The following RARB variants were observed in gnomAD, a reference collection of about 807,000 sequenced individuals.
RARB encodes retinoic acid receptor beta, also known as HBV-activated protein.
A neutral mutation model predicts 51.9 loss-of-function variants in RARB; 17 were observed. The ratio of observed to expected loss-of-function variants is 0.33; its 90% CI spans 0.22 to 0.49. The LOEUF is 0.49. Ranked by LOEUF, RARB falls within the 20% of genes least tolerant of loss-of-function variation. The pLI, the probability that RARB is intolerant of heterozygous loss-of-function variation, is 0.99. For synonymous variants in RARB, 215 were observed against 195.4 expected (o/e 1.10, Z -0.84); for missense variants, 369 against 550.8 (o/e 0.67, Z 3.30).
At chr3:25,322,594 A>G (rs1005446307) in intron 5 of RARB, among the ~76,000 whole-genome samples, 4 of 152,228 alleles carry the variant, frequency 2.6e-5, no homozygotes, top group Non-Finnish European at 5.9e-5. Flanking sequence ...ATTTTTTACT[A>G]TGACTTTGGG....
At chr3:24,947,273 C>A (rs1228775945) in intron 2 of RARB, among the ~76,000 whole-genome samples, 1 of 152,174 alleles carries the variant, frequency 6.6e-6, no homozygotes, top group African/African-American at 2.4e-5. Context: ...ATACGTGAAC[C>A]TATATAATAT....
intron 1 of RARB, among the ~76,000 whole-genome samples, chr3:24,847,363 A>G (rs1702497817): frequency 6.6e-6 from 1 of 152,182 alleles, no homozygotes; most frequent in South Asian, 2.1e-4. Flanking sequence ...TTGGACTGGT[A>G]TATTCTGGAG....
At chr3:24,876,500 T>C (rs1254287110) in intron 2 of RARB, among the ~76,000 whole-genome samples, 1 of 152,190 alleles carries the variant, frequency 6.6e-6, no homozygotes, top group Non-Finnish European at 1.5e-5. Flanking sequence ...CTCAGTCCTA[T>C]GAAGCATAAA....
At chr3:25,523,688 G>A (rs983973275) in intron 3 of RARB, among the ~76,000 whole-genome samples, 4 of 152,254 alleles carry the variant, frequency 2.6e-5, no homozygotes, top group Admixed American at 2.6e-4. Context: ...CTCAAAAAAG[G>A]CTTAACGAAT....
intron 3 of RARB, among the ~76,000 whole-genome samples, chr3:25,090,756 T>C (rs975596913): frequency 6.6e-6 from 1 of 152,110 alleles, no homozygotes; most frequent in Admixed American, 6.6e-5. Flanking sequence ...TTTTAAACCA[T>C]AAGCAGGGAA....
chr3:25,302,593 G>A (rs950174832), intron 5 of RARB, among the ~76,000 whole-genome samples: 3 of 152,216 alleles, frequency 2.0e-5, no homozygotes, highest in Non-Finnish European at 4.4e-5. Flanking sequence ...GCTTCCAGGG[G>A]CTGGGGACAA....
rs1297808407 is a variant in RARB, at chr3:25,216,575, G to A, written c.178+42000G>A. 1.7e-4 allele frequency among the ~76,000 whole-genome samples: 26 copies of A among 151,728 alleles called. 1 individual carries two copies. The highest frequency in any genetic ancestry group is 1.7e-3 in the Admixed American group (26 of 15,214). On this transcript the variant is annotated intron_variant, in intron 5 of 11. Coordinates refer to the RARB transcript ENST00000383772. ...ACAAAGGGGAACAACACACACCGGG[G>A]CCTATTGGGGGGTGGGGGGTTGTGA...
chr3:25,339,421 C>G (rs2125449807), intron 5 of RARB, among the ~76,000 whole-genome samples: 1 of 152,296 alleles, frequency 6.6e-6, no homozygotes, highest in South Asian at 2.1e-4. Flanking sequence ...CTTTCTGTAC[C>G]TCACTTCTGT....
chr3:25,521,100 T>G (rs1698382573), intron 3 of RARB, among the ~76,000 whole-genome samples: 1 of 152,194 alleles, frequency 6.6e-6, no homozygotes, highest in Non-Finnish European at 1.5e-5. Flanking sequence ...CTCAGAGCCT[T>G]CAGAGCAACC....
chr3:25,068,699 A>G (rs1334282938), intron 3 of RARB, among the ~76,000 whole-genome samples: 2 of 152,144 alleles, frequency 1.3e-5, no homozygotes, highest in Admixed American at 1.3e-4. Context: ...GTCCCTCAGC[A>G]CAAAGCACTG....
At position 24,934,995 on chromosome 3, in the gene RARB, C is replaced by T. The variant is rs142519527; in HGVS notation, c.-380+76243C>T. Among the ~76,000 whole-genome samples the T allele has an allele frequency of 1.7e-3, 263 of 152,200 alleles. 2 individuals carry two copies. The highest frequency in any genetic ancestry group is 5.7e-3 in the African/African-American group (238 of 41,520). ...CTAAAGACTTGAAGTGTTTAACGAA[C>T]CCTATCATGTGGTACTATAATATTG... On this transcript the variant is annotated intron_variant, in intron 2 of 11. Coordinates refer to the RARB transcript ENST00000383772.
At chr3:25,315,808 G>A (rs1704409906) in intron 5 of RARB, among the ~76,000 whole-genome samples, 1 of 151,736 alleles carries the variant, frequency 6.6e-6, no homozygotes, top group Non-Finnish European at 1.5e-5. Flanking sequence ...TAGTAGAGAG[G>A]GGGTTTCACT....
At chr3:24,940,935 G>A (rs955360827) in intron 2 of RARB, among the ~76,000 whole-genome samples, 3 of 152,196 alleles carry the variant, frequency 2.0e-5, no homozygotes, top group African/African-American at 7.2e-5. Flanking sequence ...GAGATAGTCA[G>A]TGAGGTAAAT....
Position 25,348,118 on chromosome 3 carries a change from G to C in RARB, c.179-113075G>C, listed in dbSNP as rs549581706. Among the ~76,000 whole-genome samples, 4 of 152,236 alleles carry C rather than the reference G, an allele frequency of 2.6e-5. No homozygotes were observed. The East Asian group carries it at 7.7e-4, about 29-fold the overall frequency. Reference sequence around the variant, plus strand: ...TCATGGGCTAATACACCACACAGCTGATAGCAACAGGCTGTGAGATCCAGC... The same window carrying C: ...TCATGGGCTAATACACCACACAGCTCATAGCAACAGGCTGTGAGATCCAGC... On this transcript the variant is annotated intron_variant, in intron 5 of 11. Transcript: ENST00000383772.
chr3:25,121,142 GA>G (rs1437205194), intron 3 of RARB, among the ~76,000 whole-genome samples: 1 of 152,188 alleles, frequency 6.6e-6, no homozygotes, highest in Non-Finnish European at 1.5e-5. Context: ...GCAAGCCAGT[GA>G]GGAAGGCTAT....
At chr3:25,346,954 G>A (rs1449402279) in intron 5 of RARB, among the ~76,000 whole-genome samples, 1 of 152,218 alleles carries the variant, frequency 6.6e-6, no homozygotes, top group Non-Finnish European at 1.5e-5. Flanking sequence ...TTGTTCATGA[G>A]TAGTCTTCCA....
intron 5 of RARB, among the ~76,000 whole-genome samples, chr3:25,204,826 T>A (rs1701492902): frequency 6.6e-6 from 1 of 152,176 alleles, no homozygotes. Flanking sequence ...GACGTGTCAG[T>A]CTGCCCCTAC....
chr3:25,185,359 T>C (rs1317183141), intron 5 of RARB, among the ~76,000 whole-genome samples: 1 of 152,124 alleles, frequency 6.6e-6, no homozygotes, highest in Admixed American at 6.6e-5. Flanking sequence ...AACTTCCTTT[T>C]CTCTTAGGAC....
intron 3 of RARB, among the ~76,000 whole-genome samples, chr3:25,092,184 A>ATATC (rs1699210554): frequency 6.6e-6 from 1 of 152,166 alleles, no homozygotes; most frequent in South Asian, 2.1e-4. Context: ...TATTGCTCAG[A>ATATC]TAAGTTCACA....
Sources: allele counts gnomAD v4.1 joint callset (sites outside exome capture counted in the v4.1 genomes callset), GRCh38; gene constraint gnomAD v4.1.1; transcripts MANE v1.5; gene names NCBI Gene and HGNC (gene_info 2026-07-23, HGNC 2026-07-21).